The following XKR4 variants were observed in gnomAD, a reference collection of about 807,000 sequenced individuals.
XKR4 encodes the protein XK-related protein 4.
A neutral mutation model predicts 53.9 loss-of-function variants in XKR4; 12 were observed. The observed-to-expected ratio is 0.22, with a 90% confidence interval of 0.14 to 0.36. The LOEUF (loss-of-function observed/expected upper bound fraction) is 0.36. Ranked by LOEUF, XKR4 falls within the 10% of genes least tolerant of loss-of-function variation. XKR4 has a pLI of 1.00. For synonymous variants in XKR4, 354 were observed against 362.4 expected, an observed-to-expected ratio of 0.98 and a Z score of 0.26; for missense variants, 799 against 859.5, an observed-to-expected ratio of 0.93 and a Z score of 0.88.
At chr8:55,438,606 A>AAG (rs75932099) in intron 2 of XKR4, among the ~76,000 whole-genome samples, 3 of 146,434 alleles carry the variant, frequency 2.0e-5, no homozygotes, top group Admixed American at 6.9e-5. Context: ...AAAAAAAAAA[A>AAG]AGAGAGAGAG....
In XKR4 at chr8:55,414,417, C is replaced by G. The variant is rs1379191906; in HGVS notation, c.1006+56540C>G. On this transcript the variant is annotated intron_variant, in intron 2 of 2. Coordinates refer to ENST00000327381, the MANE Select transcript of XKR4 (RefSeq NM_052898.2). The stretch of plus-strand genomic sequence containing the variant: ...ACTAGCAGAAGAAATGACGAGTGGC[C>G]TAAGAGAGAGCACCCAATAAGATGG... Among the ~76,000 whole-genome samples the G allele has an allele frequency of 2.0e-5, 3 of 151,438 alleles. No individual in the cohort carries two copies. In the East Asian group the frequency reaches 5.8e-4, roughly 29 times the overall value.
intron 1 of XKR4, among the ~76,000 whole-genome samples, chr8:55,125,067 A>G (rs1263430871): frequency 6.6e-6 from 1 of 152,222 alleles, no homozygotes; most frequent in Non-Finnish European, 1.5e-5. Context: ...ATAAGTTTTA[A>G]CATGAAGCTG....
intron 1 of XKR4, among the ~76,000 whole-genome samples, chr8:55,356,629 A>G (rs1399836358): frequency 6.6e-6 from 1 of 152,210 alleles, no homozygotes; most frequent in Admixed American, 6.5e-5. Context: ...TGGTTTTAAA[A>G]TTATTTTAAA....
intron 2 of XKR4, among the ~76,000 whole-genome samples, chr8:55,510,614 C>T (rs1806611669): frequency 6.6e-6 from 1 of 152,136 alleles, no homozygotes; most frequent in South Asian, 2.1e-4. Flanking sequence ...TGACCCCCTC[C>T]CACCCCACAT....
chr8:55,339,210 G>C (rs1803506962), intron 1 of XKR4, among the ~76,000 whole-genome samples: 1 of 152,100 alleles, frequency 6.6e-6, no homozygotes, highest in Non-Finnish European at 1.5e-5. Context: ...GTGTCTGAAG[G>C]GCATGAACTT....
rs547276497 is a variant in XKR4, at chr8:55,464,974, G to A, written c.1007-58307G>A. 4.7e-3 allele frequency among the ~76,000 whole-genome samples: 717 copies of A among 151,096 alleles called. 8 individuals carry two copies. Among genetic ancestry groups the A allele is most frequent in the African/African-American group, 0.016 (672 of 40,810 alleles). On this transcript the variant is annotated intron_variant, in intron 2 of 2. Transcript: ENST00000327381. The stretch of plus-strand genomic sequence containing the variant: ...AAGGAGAACTACAAACCACTGCTCA[G>A]TGAAATAAAAGAGGATACAAACAAA...
intron 1 of XKR4, among the ~76,000 whole-genome samples, chr8:55,156,770 C>CT (rs987731231): frequency 6.6e-6 from 1 of 152,120 alleles, no homozygotes; most frequent in Non-Finnish European, 1.5e-5. Flanking sequence ...GGGATGTATG[C>CT]TTTAAGTGTT....
chr8:55,165,075 G>A (rs1219689095), intron 1 of XKR4, among the ~76,000 whole-genome samples: 1 of 152,166 alleles, frequency 6.6e-6, no homozygotes, highest in Non-Finnish European at 1.5e-5. Flanking sequence ...AGGATGGGCA[G>A]GTCCCATAGA....
At chr8:55,470,108 C>A (rs1805857550) in intron 2 of XKR4, among the ~76,000 whole-genome samples, 1 of 152,004 alleles carries the variant, frequency 6.6e-6, no homozygotes, top group African/African-American at 2.4e-5. Context: ...ATAAAGTAAC[C>A]CTATCGGCTT....
At chr8:55,351,310 T>C (rs1042779149) in intron 1 of XKR4, among the ~76,000 whole-genome samples, 3 of 152,206 alleles carry the variant, frequency 2.0e-5, no homozygotes, top group East Asian at 1.9e-4. Flanking sequence ...TTGTGTCTTA[T>C]TATGTGAAAC....
intron 1 of XKR4, among the ~76,000 whole-genome samples, chr8:55,245,004 C>G (rs922459599): frequency 1.3e-5 from 2 of 150,994 alleles, no homozygotes; most frequent in African/African-American, 4.9e-5. Flanking sequence ...CGGGTTCCAG[C>G]AATTCTCCTG....
At chr8:55,267,335 G>A (rs1818620300) in intron 1 of XKR4, among the ~76,000 whole-genome samples, 1 of 152,192 alleles carries the variant, frequency 6.6e-6, no homozygotes, top group Non-Finnish European at 1.5e-5. Context: ...TGTTGAGGCT[G>A]TAAAGAATGT....
At chr8:55,403,373 C>T (rs1361195548) in intron 2 of XKR4, among the ~76,000 whole-genome samples, 2 of 152,156 alleles carry the variant, frequency 1.3e-5, no homozygotes, top group Non-Finnish European at 2.9e-5. Context: ...TAGGCTACTT[C>T]TGTGAGAAAG....
At chr8:55,495,858 T>G (rs1806339415) in intron 2 of XKR4, among the ~76,000 whole-genome samples, 1 of 152,244 alleles carries the variant, frequency 6.6e-6, no homozygotes, top group South Asian at 2.1e-4. Flanking sequence ...TGGTGGCCAC[T>G]CCAGATGGCC....
At chr8:55,398,501 A>T (rs1173658307) in intron 2 of XKR4, among the ~76,000 whole-genome samples, 1 of 152,234 alleles carries the variant, frequency 6.6e-6, no homozygotes, top group Non-Finnish European at 1.5e-5. Flanking sequence ...GGATTAAAAA[A>T]TAAGGAGAGA....
chr8:55,236,340 G>A (rs1389135055), intron 1 of XKR4, among the ~76,000 whole-genome samples: 1 of 152,170 alleles, frequency 6.6e-6, no homozygotes, highest in Non-Finnish European at 1.5e-5. Context: ...ATCTCCAGTG[G>A]TTCCTGGCCT....
chr8:55,183,176 T>G (rs1256501513), intron 1 of XKR4, among the ~76,000 whole-genome samples: 2 of 151,858 alleles, frequency 1.3e-5, no homozygotes, highest in African/African-American at 2.4e-5. Context: ...CAGCTTTAGC[T>G]TCATAGATTT....
chr8:55,315,271 TA>T (rs1819454585), intron 1 of XKR4, among the ~76,000 whole-genome samples: 1 of 152,226 alleles, frequency 6.6e-6, no homozygotes, highest in Admixed American at 6.5e-5. Context: ...AGCCAGGCAC[TA>T]AATGTCAGGT....
chr8:55,390,893 T>A (rs1283237152), intron 2 of XKR4, among the ~76,000 whole-genome samples: 1 of 152,228 alleles, frequency 6.6e-6, no homozygotes, highest in Admixed American at 6.5e-5. Context: ...CATCTCCTTC[T>A]TATCCTGCTA....
Sources: gnomAD v4.1 joint callset for allele counts (sites outside exome capture counted in the v4.1 genomes callset) on GRCh38, gnomAD v4.1.1 for gene constraint, MANE v1.5 for transcripts, NCBI Gene and HGNC (gene_info 2026-07-23, HGNC 2026-07-21) for gene names.